Variants in ADARB2 observed in about 807,000 individuals in gnomAD.
ADARB2 encodes the protein adenosine deaminase RNA specific B2 (inactive).
ADARB2 carries 25 observed loss-of-function variants against 62.2 expected under a neutral mutation model. That is an observed-to-expected ratio of 0.40 (90% CI 0.29 to 0.56). The LOEUF is 0.56. ADARB2 is among the 20% of genes least tolerant of loss of function. ADARB2 has a pLI of 0.43. For synonymous variants in ADARB2, 572 were observed against 500.8 expected (o/e 1.14, Z -1.90); for missense variants, 1,071 against 1,077.4 (o/e 0.99, Z 0.08).
At chr10:1,316,185 G>A (rs952003104) in intron 3 of ADARB2, among the ~76,000 whole-genome samples, 5 of 152,208 alleles carry the variant, frequency 3.3e-5, no homozygotes, top group South Asian at 2.1e-4. Flanking sequence ...CCCACTTGCC[G>A]TTTAATTTTT....
intron 1 of ADARB2, among the ~76,000 whole-genome samples, chr10:1,550,124 C>T (rs568883116): frequency 6.6e-6 from 1 of 152,262 alleles, no homozygotes; most frequent in East Asian, 1.9e-4. Context: ...GAAATGGGGT[C>T]CCTGCTCCCC....
intron 1 of ADARB2, among the ~76,000 whole-genome samples, chr10:1,442,190 A>T (rs1830915628): frequency 6.6e-6 from 1 of 152,222 alleles, no homozygotes; most frequent in African/African-American, 2.4e-5. Context: ...ACCCTGTCCC[A>T]ATAAATAGTT....
At chr10:1,480,985 C>T (rs1002308094) in intron 1 of ADARB2, among the ~76,000 whole-genome samples, 15 of 152,102 alleles carry the variant, frequency 9.9e-5, no homozygotes, top group East Asian at 5.8e-4. Flanking sequence ...CATGGAATCT[C>T]GAAGGGCCTT....
chr10:1,229,135 T>C (rs184301087), intron 6 of ADARB2, among the ~76,000 whole-genome samples: 63 of 152,308 alleles, frequency 4.1e-4, no homozygotes, highest in African/African-American at 1.3e-3. Flanking sequence ...CTGAGACCAA[T>C]TGGCATTGAT....
chr10:1,404,697 G>A (rs555937989), intron 1 of ADARB2, among the ~76,000 whole-genome samples: 2 of 152,272 alleles, frequency 1.3e-5, no homozygotes, highest in East Asian at 3.9e-4. Context: ...TAAGCTCGCC[G>A]GCTTCGGGGC....
In ADARB2 at chr10:1,707,240, G is replaced by A. The variant is rs188450549; in HGVS notation, c.100+29811C>T. 7.9e-5 allele frequency among the ~76,000 whole-genome samples: 12 copies of A among 152,330 alleles called. 1 individual carries two copies. The South Asian group carries it at 2.3e-3, about 29-fold the overall frequency. On this transcript the variant is annotated intron_variant, in intron 1 of 9. Coordinates refer to ENST00000381312, the MANE Select transcript of ADARB2 (RefSeq NM_018702.4). ...ATCTGCCCAGGACCTGCCCATAGGCGCCTCCTTTCACTGATGCCACCTCAG... is the reference window on the plus strand; with the variant it reads ...ATCTGCCCAGGACCTGCCCATAGGCACCTCCTTTCACTGATGCCACCTCAG...
At chr10:1,573,292 C>A (rs112254721) in intron 1 of ADARB2, among the ~76,000 whole-genome samples, 2 of 152,164 alleles carry the variant, frequency 1.3e-5, no homozygotes, top group Non-Finnish European at 2.9e-5. Context: ...GGGCTGTCAC[C>A]GGCACTCAAC....
intron 1 of ADARB2, among the ~76,000 whole-genome samples, chr10:1,389,762 A>C (rs975057078): frequency 1.7e-4 from 26 of 149,624 alleles, no homozygotes; most frequent in African/African-American, 5.9e-4. Flanking sequence ...TAAATAAATA[A>C]ATAAATAAAT....
chr10:1,679,783 G>A (rs548410808), intron 1 of ADARB2, among the ~76,000 whole-genome samples: 44 of 152,282 alleles, frequency 2.9e-4, no homozygotes, highest in African/African-American at 8.4e-4. Context: ...CGACTGGATC[G>A]CTTGGGCTCA....
At chr10:1,656,909 A>G (rs1441696942) in intron 1 of ADARB2, among the ~76,000 whole-genome samples, 2 of 152,154 alleles carry the variant, frequency 1.3e-5, no homozygotes, top group Non-Finnish European at 2.9e-5. Context: ...GGGCCAGAAA[A>G]AAACAAAGCA....
chr10:1,185,435 G>A (rs931256997), intron 8 of ADARB2, among the ~76,000 whole-genome samples: 5 of 152,308 alleles, frequency 3.3e-5, no homozygotes, highest in Middle Eastern at 3.4e-3. Flanking sequence ...GCAAAACACC[G>A]GGGCTAGTAA....
At chr10:1,724,537 G>A (rs1307662663) in intron 1 of ADARB2, among the ~76,000 whole-genome samples, 1 of 152,218 alleles carries the variant, frequency 6.6e-6, no homozygotes. Context: ...CGCAGCAGCA[G>A]GAGGGCCTGC....
At chr10:1,297,693 G>A (rs980258072) in intron 3 of ADARB2, among the ~76,000 whole-genome samples, 3 of 152,146 alleles carry the variant, frequency 2.0e-5, no homozygotes, top group African/African-American at 7.2e-5. Context: ...CTGTCCAAGC[G>A]CCAGCCTCAT....
intron 1 of ADARB2, among the ~76,000 whole-genome samples, chr10:1,638,078 A>G (rs576068350): frequency 6.2e-4 from 95 of 152,282 alleles, no homozygotes; most frequent in African/African-American, 2.2e-3. Flanking sequence ...ACTTGGCAAT[A>G]ATGAAAGTTC....
At chr10:1,294,156 A>G (rs60337984) in intron 3 of ADARB2, among the ~76,000 whole-genome samples, 8,755 of 152,240 alleles carry the variant, frequency 0.058, 882 homozygotes, top group African/African-American at 0.2. Flanking sequence ...ATGAGGAAGA[A>G]TTCAACTTTT....
At chr10:1,580,077 A>G (rs1833076587) in intron 1 of ADARB2, among the ~76,000 whole-genome samples, 1 of 152,142 alleles carries the variant, frequency 6.6e-6, no homozygotes, top group African/African-American at 2.4e-5. Context: ...GTGCCCCCGA[A>G]TTGTCTATGC....
At chr10:1,563,703 A>G (rs1269099376) in intron 1 of ADARB2, among the ~76,000 whole-genome samples, 2 of 151,062 alleles carry the variant, frequency 1.3e-5, no homozygotes, top group South Asian at 2.1e-4. Flanking sequence ...ATATGTATAC[A>G]TGTGCCATGC....
intron 1 of ADARB2, chr10:1,535,468 T>C (rs1449343845): frequency 6.3e-6 from 1 of 159,740 alleles, no homozygotes. Context: ...TCGTGCACTT[T>C]ACGGCTTCTG....
chr10:1,358,889 CTT>C (rs71495942), intron 3 of ADARB2, among the ~76,000 whole-genome samples: 7,455 of 152,208 alleles, frequency 0.049, 214 homozygotes, highest in South Asian at 0.11. Context: ...ACACAGGTGA[CTT>C]TTACTGATTT....
Sources: allele counts gnomAD v4.1 joint callset (sites outside exome capture counted in the v4.1 genomes callset), GRCh38; gene constraint gnomAD v4.1.1; transcripts MANE v1.5; gene names NCBI Gene and HGNC (gene_info 2026-07-23, HGNC 2026-07-21).